ADAMTS20: variants seen among roughly 807,000 people sequenced by gnomAD.
The protein encoded by ADAMTS20 is ADAM metallopeptidase with thrombospondin type 1 motif 20.
A neutral mutation model predicts 260.1 loss-of-function variants in ADAMTS20; 225 were observed. The observed-to-expected ratio is 0.87, with a 90% CI of 0.78 to 0.97. ADAMTS20 has a LOEUF of 0.97. Ranked by LOEUF, ADAMTS20 falls within the 50% of genes least tolerant of loss-of-function variation. ADAMTS20 has a pLI of 0.00. For missense variants in ADAMTS20, 2,400 were observed against 2,337.7 expected, an observed-to-expected ratio of 1.03 and a Z score of -0.55; for synonymous variants, 802 against 769.5, an observed-to-expected ratio of 1.04 and a Z score of -0.70.
intron 28 of ADAMTS20, among the ~76,000 whole-genome samples, chr12:43,405,482 GATAAT>G (rs1162107359): frequency 6.7e-6 from 1 of 149,060 alleles, no homozygotes; most frequent in Non-Finnish European, 1.5e-5. Flanking sequence ...TTCAAAATTT[GATAAT>G]ATAATTGTAA....
chr12:43,548,340 C>G (rs1201917687), intron 2 of ADAMTS20, among the ~76,000 whole-genome samples: 1 of 152,102 alleles, frequency 6.6e-6, no homozygotes, highest in African/African-American at 2.4e-5. Flanking sequence ...AACTAGGAAG[C>G]AAGTAGGAGC....
intron 7 of ADAMTS20, among the ~76,000 whole-genome samples, chr12:43,484,771 G>A (rs1372838686): frequency 6.6e-6 from 1 of 152,036 alleles, no homozygotes; most frequent in East Asian, 1.9e-4. Context: ...TCTATTTGAG[G>A]GAATAACTGA....
intron 29 of ADAMTS20, among the ~76,000 whole-genome samples, chr12:43,396,801 G>T (rs7302162): frequency 0.25 from 37,781 of 151,976 alleles, 5,306 homozygotes; most frequent in African/African-American, 0.38. Context: ...TGTGGAGCTG[G>T]AGGTTCAGAG....
rs1369781946 is a variant in ADAMTS20, at chr12:43,551,368, C to T, written c.92-98G>A. On this transcript the variant is annotated intron_variant, in intron 1 of 38. Transcript: ENST00000389420. This position sits in a 1 kb window ranked among gnomAD's most constrained non-coding sequence, Gnocchi z 4.6. ...AACGTCCCCGCTAAAGGTCCCAGGT[C>T]CCAGTACAGCCAGGGGCAAGACAAA... The T allele has an allele frequency of 2.0e-6, 3 of 1,484,906 alleles. No homozygotes were observed. Among genetic ancestry groups the T allele is most frequent in the Admixed American group, 4.4e-5 (2 of 45,060 alleles). The allele number at this position is 1,484,906 out of a possible 1,614,324, so 92.0% of individuals were successfully genotyped here.
Position 43,409,653 on chromosome 12 carries a change from C to CAAG in ADAMTS20, c.4285-10423_4285-10421dup, listed in dbSNP as rs1413501500. Reference sequence around the variant, plus strand: ...AAACAAGAAAATTAGAAGACCAATCCAAGAATCCCAATATTTAACCAGAAA... The same window carrying CAAG: ...AAACAAGAAAATTAGAAGACCAATCCAAGAAGAATCCCAATATTTAACCAGAAA... On this transcript the variant is annotated intron_variant, in intron 28 of 38. Coordinates refer to ENST00000389420, the MANE Select transcript of ADAMTS20 (RefSeq NM_025003.5). 6.3e-5 allele frequency among the ~76,000 whole-genome samples: 9 copies of CAAG among 143,818 alleles called. No individual in the cohort carries two copies. The East Asian group carries it at 1.8e-3, about 28-fold the overall frequency. 94.4% of individuals were successfully genotyped at this position (143,818 alleles called of 152,430 possible).
At chr12:43,436,237 G>A (rs1475505039) in intron 18 of ADAMTS20, among the ~76,000 whole-genome samples, 1 of 152,268 alleles carries the variant, frequency 6.6e-6, no homozygotes, top group South Asian at 2.1e-4. Flanking sequence ...GAACCCAAGA[G>A]AGGCCCAGGA....
intron 11 of ADAMTS20, among the ~76,000 whole-genome samples, chr12:43,461,893 C>T (rs1186166483): frequency 6.6e-6 from 1 of 152,080 alleles, no homozygotes; most frequent in Non-Finnish European, 1.5e-5. Flanking sequence ...CTAGAACTTT[C>T]GTCCTAAAAT....
At position 43,551,925 on chromosome 12, in the gene ADAMTS20, T is replaced by G; in HGVS notation, c.-4A>C. 6.2e-7 allele frequency: 1 copy of G among 1,613,240 alleles called. No homozygotes were observed. Among genetic ancestry groups the G allele is most frequent in the Non-Finnish European group, 8.5e-7 (1 of 1,179,624 alleles). On this transcript the variant is annotated 5_prime_UTR_variant, in exon 1 of 39. Coordinates refer to ENST00000389420, the MANE Select transcript of ADAMTS20 (RefSeq NM_025003.5). This position sits in a 1 kb window ranked among gnomAD's most constrained non-coding sequence, Gnocchi z 4.6. ...TCAGCCACTTGGCCACCCACATGGT[T>G]CCACCCTGGGGACCCCGATCGGGGA...
intron 12 of ADAMTS20, among the ~76,000 whole-genome samples, chr12:43,453,288 TTAA>T (rs1483628651): frequency 6.6e-6 from 1 of 152,184 alleles, no homozygotes; most frequent in Non-Finnish European, 1.5e-5. Context: ...AAAATGCTTA[TTAA>T]TAATACTTTA....
chr12:43,369,345 T>C lies in ADAMTS20; in HGVS notation c.5483A>G (p.Asn1828Ser). 1 of 1,563,788 alleles carries C rather than the reference T, an allele frequency of 6.4e-7. No homozygotes were observed. The highest frequency in any genetic ancestry group is 1.2e-5 in the South Asian group (1 of 81,994). The change falls in exon 37 of 39, where the codon AAT (asparagine) becomes AGT (serine). Residue 1828 changes from asparagine (N) to serine (S), a missense_variant. Physicochemically the swap from Asn to Ser is conservative, Grantham distance 46. Transcript: ENST00000389420. ...DLLFSKTIFG[N>S]AVPFATAGDC... is the part of the protein sequence containing the mutation. ...TCCAGCTGTGGCAAATGGAACTGCA[T>C]TTCCAAATATTGTTTTGGAAAAAAG...
intron 28 of ADAMTS20, among the ~76,000 whole-genome samples, chr12:43,420,554 C>T (rs1941206979): frequency 6.6e-6 from 1 of 152,032 alleles, no homozygotes; most frequent in Non-Finnish European, 1.5e-5. Context: ...AAAGAAGTGG[C>T]AGTTTCTTGA....
intron 15 of ADAMTS20, among the ~76,000 whole-genome samples, chr12:43,444,639 A>G (rs1941727948): frequency 6.6e-6 from 1 of 152,164 alleles, no homozygotes; most frequent in African/African-American, 2.4e-5. Context: ...AAAAACACTC[A>G]CATTACATAG....
At chr12:43,542,528 G>A (rs1259391052) in intron 2 of ADAMTS20, among the ~76,000 whole-genome samples, 1 of 150,804 alleles carries the variant, frequency 6.6e-6, no homozygotes. Flanking sequence ...TTTTTTTCAT[G>A]TGTTATTTCT....
rs567716436 is a variant in ADAMTS20 at position 43,506,487 on chromosome 12, T to C, written c.614-4082A>G. Among the ~76,000 whole-genome samples, 194 of 152,158 alleles carry C rather than the reference T, an allele frequency of 1.3e-3. 3 individuals carry two copies. The South Asian group carries it at 0.024, about 19-fold the overall frequency. ...ATGGCAAACCTCATGTTACCTTTTT[T>C]TTTTTTTCTTTTTGAGGCAGAGTCT... On this transcript the variant is annotated intron_variant, in intron 3 of 38. Transcript: ENST00000389420.
chr12:43,472,035 T>A (rs899501109), intron 7 of ADAMTS20, among the ~76,000 whole-genome samples: 1 of 152,064 alleles, frequency 6.6e-6, no homozygotes, highest in South Asian at 2.1e-4. Context: ...ATCAAATTAC[T>A]CTGAGCTACG....
At chr12:43,419,347 G>A (rs1320023245) in intron 28 of ADAMTS20, among the ~76,000 whole-genome samples, 5 of 151,828 alleles carry the variant, frequency 3.3e-5, no homozygotes, top group South Asian at 2.1e-4. Context: ...ACATAAAAAC[G>A]TTAATGTCTG....
Position 43,436,232 on chromosome 12 carries a change from C to A in ADAMTS20, c.2594-1861G>T, listed in dbSNP as rs377506219. 7.1e-4 allele frequency among the ~76,000 whole-genome samples: 108 copies of A among 152,160 alleles called. No individual in the cohort carries two copies. In the Middle Eastern group the frequency reaches 0.01, roughly 14 times the overall value. ...AACAAATCATTCATGACATAGAACCCAAGAGAGGCCCAGGAATGGAAAACA... is the reference window on the plus strand; with the variant it reads ...AACAAATCATTCATGACATAGAACCAAAGAGAGGCCCAGGAATGGAAAACA... On this transcript the variant is annotated intron_variant, in intron 18 of 38. Transcript: ENST00000389420.
chr12:43,408,691 G>A (rs74651210), intron 28 of ADAMTS20, among the ~76,000 whole-genome samples: 11,057 of 152,140 alleles, frequency 0.073, 1,197 homozygotes, highest in African/African-American at 0.24. Context: ...AAAAAGCTGA[G>A]GGGAGAATGT....
intron 9 of ADAMTS20, 99 bp downstream of exon 9, chr12:43,466,553 C>A (rs1942155637): frequency 5.2e-6 from 6 of 1,162,998 alleles, no homozygotes; most frequent in Non-Finnish European, 7.3e-6. Context: ...TAAATTTAAA[C>A]AAGAAAAAGC....
Sources: allele counts gnomAD v4.1 joint callset (sites outside exome capture counted in the v4.1 genomes callset), GRCh38; gene constraint gnomAD v4.1.1; non-coding constraint Gnocchi (gnomAD v3.1); transcripts MANE v1.5; gene names NCBI Gene and HGNC (gene_info 2026-07-23, HGNC 2026-07-21).